The following CAMTA1 variants were observed in gnomAD, a reference collection of about 807,000 sequenced individuals.
CAMTA1 encodes calmodulin-binding transcription activator 1.
Under a neutral mutation model 170.9 loss-of-function variants are expected in CAMTA1, and 27 were observed. The ratio of observed to expected loss-of-function variants is 0.16; its 90% CI spans 0.12 to 0.22. The LOEUF is 0.22. Among genes scored for constraint, CAMTA1 ranks in the 10% least tolerant of loss-of-function variants. The pLI, the probability that CAMTA1 is intolerant of heterozygous loss-of-function variation, is 1.00. For missense variants in CAMTA1, 1,619 were observed against 2,217.2 expected (o/e 0.73, Z 5.42); for synonymous variants, 833 against 891.5 (o/e 0.93, Z 1.17).
rs992777334 is a variant in CAMTA1 at position 7,585,417 on chromosome 1, C to G, written c.511-54983C>G. Among the ~76,000 whole-genome samples the G allele has an allele frequency of 6.6e-6, 1 of 152,090 alleles. No individual in the cohort carries two copies. Among genetic ancestry groups the G allele is most frequent in the Non-Finnish European group, 1.5e-5 (1 of 68,012 alleles). On this transcript the variant is annotated intron_variant, in intron 6 of 22. Transcript: ENST00000303635. This position sits in a 1 kb window ranked among gnomAD's most constrained non-coding sequence, Gnocchi z 4.8. ...AGAGGGAAGAGTATGTGCAAAGGCC[C>G]TGGGGTGGACATAAGCTTGAAGTCT... is the stretch of plus-strand genomic sequence containing the variant.
At chr1:7,141,432 A>G (rs143442959) in intron 4 of CAMTA1, among the ~76,000 whole-genome samples, 52 of 152,356 alleles carry the variant, frequency 3.4e-4, no homozygotes, top group African/African-American at 1.2e-3. Flanking sequence ...ACTGGTGGAC[A>G]GCACTCACCA....
intron 6 of CAMTA1, among the ~76,000 whole-genome samples, chr1:7,512,543 A>C (rs1480287071): frequency 6.6e-6 from 1 of 152,184 alleles, no homozygotes; most frequent in African/African-American, 2.4e-5. Flanking sequence ...CTTCAAGTCT[A>C]TTCCAGGGGT....
intron 7 of CAMTA1, among the ~76,000 whole-genome samples, chr1:7,655,117 TAC>T (rs568780846): frequency 9.1e-6 from 1 of 110,314 alleles, no homozygotes; most frequent in Admixed American, 8.2e-5. Context: ...CACACACCTA[TAC>T]ACACACCTCT....
intron 6 of CAMTA1, among the ~76,000 whole-genome samples, chr1:7,599,919 G>C (rs1293190927): frequency 1.3e-5 from 2 of 152,140 alleles, no homozygotes; most frequent in African/African-American, 4.8e-5. Flanking sequence ...TTTCCTAATT[G>C]AATACCCTTT....
chr1:7,072,933 C>A (rs1638833280), intron 3 of CAMTA1, among the ~76,000 whole-genome samples: 1 of 152,126 alleles, frequency 6.6e-6, no homozygotes, highest in Non-Finnish European at 1.5e-5. Context: ...AGGACCTTGG[C>A]TTTGAGTCTG....
At chr1:7,579,854 C>T (rs2095243787) in intron 6 of CAMTA1, among the ~76,000 whole-genome samples, 1 of 152,212 alleles carries the variant, frequency 6.6e-6, no homozygotes, top group Non-Finnish European at 1.5e-5. Flanking sequence ...GCCACCGCGC[C>T]CAGCCTTAAA....
At chr1:7,112,944 G>A (rs918794536) in intron 4 of CAMTA1, among the ~76,000 whole-genome samples, 3 of 152,192 alleles carry the variant, frequency 2.0e-5, no homozygotes, top group Admixed American at 6.5e-5. Flanking sequence ...TGTTGAATGC[G>A]TTGATGCATT....
At chr1:7,148,091 C>G (rs1235736708) in intron 4 of CAMTA1, among the ~76,000 whole-genome samples, 1 of 151,766 alleles carries the variant, frequency 6.6e-6, no homozygotes, top group Non-Finnish European at 1.5e-5. Flanking sequence ...CATGCACACA[C>G]TCAAACATAC....
intron 4 of CAMTA1, among the ~76,000 whole-genome samples, chr1:7,123,340 C>T (rs1644754995): frequency 6.6e-6 from 1 of 152,084 alleles, no homozygotes; most frequent in African/African-American, 2.4e-5. Context: ...TCCAATTCTC[C>T]CTCTCCATAA....
chr1:7,430,382 G>T (rs779197810), intron 5 of CAMTA1, among the ~76,000 whole-genome samples: 9 of 152,042 alleles, frequency 5.9e-5, no homozygotes, highest in Non-Finnish European at 1.0e-4. Flanking sequence ...TGGTGACCAT[G>T]GTGGTGAATC....
chr1:6,962,802 A>C (rs1407205355), intron 3 of CAMTA1, among the ~76,000 whole-genome samples: 604 of 41,960 alleles, frequency 0.014, no homozygotes, highest in Middle Eastern at 0.031. Context: ...TTGGGCCCGC[A>C]CCCATCTGGC....
chr1:7,738,560 G>C lies in CAMTA1; in HGVS notation c.4182+78G>C. 6.7e-7 allele frequency: 1 copy of C among 1,488,702 alleles called. No homozygotes were observed. The highest frequency in any genetic ancestry group is 9.0e-7 in the Non-Finnish European group (1 of 1,108,214). The allele number at this position is 1,488,702 out of a possible 1,614,324, so 92.2% of individuals were successfully genotyped here. ...GTGATCTTTATGGTCCATTTCCGAA[G>C]GTTGTGTCATTTTCCTCCCCGTGAA... is the stretch of plus-strand genomic sequence containing the variant. On this transcript the variant is annotated intron_variant, in intron 16 of 22. Coordinates refer to ENST00000303635, the MANE Select transcript of CAMTA1 (RefSeq NM_015215.4). This position sits in a 1 kb window ranked among gnomAD's most constrained non-coding sequence, Gnocchi z 4.9.
At chr1:7,253,258 G>C (rs1017336504) in intron 5 of CAMTA1, among the ~76,000 whole-genome samples, 4 of 152,210 alleles carry the variant, frequency 2.6e-5, no homozygotes, top group African/African-American at 9.6e-5. Flanking sequence ...TGGATGTGAA[G>C]CATCACCCTG....
chr1:7,681,477 C>T lies in CAMTA1; in HGVS notation c.2914+3744C>T, dbSNP rs936604326. Among the ~76,000 whole-genome samples, 1 of 152,186 alleles carries T rather than the reference C, an allele frequency of 6.6e-6. No individual in the cohort carries two copies. The highest frequency in any genetic ancestry group is 2.4e-5 in the African/African-American group (1 of 41,450). ...AACTGCCGTTTTCACCATTTCTCCT[C>T]CACCCACAAAGGTGCGGATTCAGAA... On this transcript the variant is annotated intron_variant, in intron 11 of 22. Coordinates refer to ENST00000303635, the MANE Select transcript of CAMTA1 (RefSeq NM_015215.4). This position sits in a 1 kb window ranked among gnomAD's most constrained non-coding sequence, Gnocchi z 4.6.
chr1:7,589,715 G>A (rs1266550065), intron 6 of CAMTA1, among the ~76,000 whole-genome samples: 2 of 152,164 alleles, frequency 1.3e-5, no homozygotes, highest in South Asian at 2.1e-4. Flanking sequence ...TGAGGCCTCT[G>A]GACAGACCCC....
chr1:7,562,193 C>T lies in CAMTA1; in HGVS notation c.511-78207C>T, dbSNP rs570238823. ...GTCCTGAGGCCCGGCACCCCAGCTC[C>T]GGCCCCTCCCAAATCTGCTATTGTA... On this transcript the variant is annotated intron_variant, in intron 6 of 22. Coordinates refer to ENST00000303635, the MANE Select transcript of CAMTA1 (RefSeq NM_015215.4). This position sits in a 1 kb window ranked among gnomAD's most constrained non-coding sequence, Gnocchi z 4.8. Among the ~76,000 whole-genome samples the T allele has an allele frequency of 1.9e-4, 29 of 152,296 alleles. No homozygotes were observed. Among genetic ancestry groups the T allele is most frequent in the African/African-American group, 6.3e-4 (26 of 41,564 alleles).
At chr1:7,687,848 C>A (rs2096271883) in intron 11 of CAMTA1, among the ~76,000 whole-genome samples, 1 of 152,108 alleles carries the variant, frequency 6.6e-6, no homozygotes. Context: ...CACCCCCAAA[C>A]ACTGTGTTGG....
chr1:7,425,001 G>T (rs1286249012), intron 5 of CAMTA1, among the ~76,000 whole-genome samples: 2 of 152,128 alleles, frequency 1.3e-5, no homozygotes, highest in Admixed American at 6.5e-5. Flanking sequence ...TTCCAGGGGG[G>T]CTCGGGGAAT....
At chr1:7,619,010 AT>A (rs1485557413) in intron 6 of CAMTA1, among the ~76,000 whole-genome samples, 2 of 152,172 alleles carry the variant, frequency 1.3e-5, no homozygotes, top group African/African-American at 2.4e-5. Context: ...TCAAACAGAA[AT>A]TTTAAGGAGG....
Sources: allele counts gnomAD v4.1 joint callset (sites outside exome capture counted in the v4.1 genomes callset), GRCh38; gene constraint gnomAD v4.1.1; non-coding constraint Gnocchi (gnomAD v3.1); transcripts MANE v1.5; gene names NCBI Gene and HGNC (gene_info 2026-07-23, HGNC 2026-07-21).